ADAM22: variants seen among roughly 807,000 people sequenced by gnomAD.
The protein encoded by ADAM22 is ADAM metallopeptidase domain 22.
ADAM22 carries 65 observed loss-of-function variants against 144.6 expected under a neutral mutation model. That is an observed-to-expected ratio of 0.45 (90% CI 0.37 to 0.55). The LOEUF is 0.55. Among genes scored for constraint, ADAM22 ranks in the 20% least tolerant of loss-of-function variants. The probability of loss-of-function intolerance (pLI) is 0.00; values close to 1 mark genes in which losing one functional copy is unlikely to be tolerated. For missense variants in ADAM22, 974 were observed against 1,184.9 expected (o/e 0.82, Z 2.61); for synonymous variants, 391 against 412.6 (o/e 0.95, Z 0.63).
rs186005902 is a variant in ADAM22 at position 88,165,852 on chromosome 7, G to A, written c.2097G>A (p.Lys699=). The change falls in exon 24 of 32, where the codon AAG becomes AAA. Residue 699 remains lysine (K), a synonymous_variant. Coordinates refer to ENST00000413139, the MANE Select transcript of ADAM22 (RefSeq NM_001324418.2). ...CTCAGGTTTGCAGTAATGAGCTGAA[G>A]TGTGTGTGTAACAGACACTGGATAG... ...SGNGVCSNEL[K]CVCNRHWIGS... 8.5e-5 allele frequency: 137 copies of A among 1,607,986 alleles called. No homozygotes were observed. The African/African-American group carries it at 1.7e-3, about 20-fold the overall frequency.
At chr7:88,090,886 C>A (rs1819664971) in intron 4 of ADAM22, among the ~76,000 whole-genome samples, 1 of 152,008 alleles carries the variant, frequency 6.6e-6, no homozygotes, top group African/African-American at 2.4e-5. Context: ...GAGCTGTTGC[C>A]CATTTTTAAG....
chr7:87,980,299 T>TTTTTTTTTTTTG, intron 3 of ADAM22, among the ~76,000 whole-genome samples: 1 of 149,282 alleles, frequency 6.7e-6, no homozygotes, highest in South Asian at 2.1e-4. Context: ...TTTTTTTTTT[T>TTTTTTTTTTTTG]GCCTGGGATC....
chr7:88,014,611 CA>C lies in ADAM22; in HGVS notation c.323+36200del, dbSNP rs774359646. Among the ~76,000 whole-genome samples, 21 of 152,046 alleles carry C rather than the reference CA, an allele frequency of 1.4e-4. 1 individual carries two copies. Among genetic ancestry groups the C allele is most frequent in the Admixed American group, 1.0e-3 (16 of 15,270 alleles). ...TACAAAAATTAGTCAGGGGTGGTGG[CA>C]GACACCTGTAATCCCAGCTACTCAG... is the stretch of plus-strand genomic sequence containing the variant. On this transcript the variant is annotated intron_variant, in intron 3 of 31. Transcript: ENST00000413139.
At chr7:88,179,877 C>A (rs941002733) in intron 27 of ADAM22, among the ~76,000 whole-genome samples, 2 of 152,006 alleles carry the variant, frequency 1.3e-5, no homozygotes, top group Admixed American at 6.6e-5. Context: ...TTTAAAGTTG[C>A]CAATAAGAGT....
chr7:88,053,587 G>A (rs1207432088), intron 3 of ADAM22, among the ~76,000 whole-genome samples: 11 of 119,130 alleles, frequency 9.2e-5, no homozygotes, highest in African/African-American at 2.1e-4. Flanking sequence ...AAGGAAGGAA[G>A]GAAGGAAAGA....
intron 14 of ADAM22, among the ~76,000 whole-genome samples, chr7:88,137,558 G>T (rs969944866): frequency 1.3e-5 from 2 of 151,936 alleles, no homozygotes; most frequent in African/African-American, 4.8e-5. Context: ...CTATTTATCT[G>T]GAATGCCTTT....
intron 4 of ADAM22, among the ~76,000 whole-genome samples, chr7:88,083,239 CA>C (rs1321244437): frequency 2.0e-5 from 3 of 151,580 alleles, no homozygotes; most frequent in Non-Finnish European, 2.9e-5. Flanking sequence ...ATTGCGAGGA[CA>C]AAAAACCAAA....
chr7:88,130,602 A>AAT, intron 10 of ADAM22, 143 bp downstream of exon 10: 1 of 692,516 alleles, frequency 1.4e-6, no homozygotes, highest in Middle Eastern at 3.1e-4. Context: ...GTGACCTTGC[A>AAT]ATAGACTTTA....
chr7:88,035,322 C>G (rs926837070), intron 3 of ADAM22, among the ~76,000 whole-genome samples: 2 of 152,230 alleles, frequency 1.3e-5, no homozygotes, highest in Non-Finnish European at 2.9e-5. Flanking sequence ...GGCTTGGGCC[C>G]TAGATCCAGT....
chr7:88,145,628 G>T (rs1836169658), intron 17 of ADAM22, 121 bp downstream of exon 17: 2 of 736,518 alleles, frequency 2.7e-6, no homozygotes, highest in South Asian at 1.8e-5. Flanking sequence ...ATGAGTAAGT[G>T]CCAGGTGCTT....
intron 3 of ADAM22, among the ~76,000 whole-genome samples, chr7:87,979,937 T>C (rs1055825229): frequency 6.6e-6 from 1 of 152,220 alleles, no homozygotes; most frequent in East Asian, 1.9e-4. Flanking sequence ...CCCCTGTTGG[T>C]AATCTGTGTT....
At chr7:87,934,738 C>A in intron 1 of ADAM22, 188 bp downstream of exon 1, 1 of 649,396 alleles carries the variant, frequency 1.5e-6, no homozygotes, top group Non-Finnish European at 2.6e-6. Context: ...CGCGCAGATG[C>A]ACTGGAAGCC....
chr7:87,934,339 C>T lies in ADAM22; in HGVS notation c.-127C>T. 6.2e-6 allele frequency: 5 copies of T among 807,728 alleles called. No homozygotes were observed. Among genetic ancestry groups the T allele is most frequent in the Non-Finnish European group, 9.3e-6 (5 of 538,502 alleles). The allele number at this position is 807,728 out of a possible 1,614,324, so 50.0% of individuals were successfully genotyped here. A position where few individuals can be genotyped will look rare whatever the true frequency, so the allele number is the denominator to read the frequency against. ...GGAGGTTGCAGCGCCACGGCCGCCG[C>T]AGCACCGGCCGGGGCTGGGTGGAGG... On this transcript the variant is annotated 5_prime_UTR_variant, in exon 1 of 32. Transcript: ENST00000413139.
At chr7:87,955,938 G>A (rs1203993351) in intron 2 of ADAM22, among the ~76,000 whole-genome samples, 5 of 152,182 alleles carry the variant, frequency 3.3e-5, no homozygotes, top group Non-Finnish European at 5.9e-5. Flanking sequence ...AGCCAGGTGC[G>A]GGATATAATC....
In ADAM22 at chr7:88,196,742, G is replaced by A; in HGVS notation, c.*251G>A. The A allele has an allele frequency of 1.9e-6, 1 of 526,968 alleles. No individual in the cohort carries two copies. Among genetic ancestry groups the A allele is most frequent in the Non-Finnish European group, 3.4e-6 (1 of 292,188 alleles). The allele number at this position is 526,968 out of a possible 1,614,324, so 32.6% of individuals were successfully genotyped here. A position where few individuals can be genotyped will look rare whatever the true frequency, so the allele number is the denominator to read the frequency against. On this transcript the variant is annotated 3_prime_UTR_variant, in exon 32 of 32. Coordinates refer to ENST00000413139, the MANE Select transcript of ADAM22 (RefSeq NM_001324418.2). ...ATAACATGGAACAATAAAGGTACTG[G>A]TATGTTAATGGATAATCCGCATGAC... is the stretch of plus-strand genomic sequence containing the variant.
intron 2 of ADAM22, among the ~76,000 whole-genome samples, chr7:87,957,650 G>A (rs1006449500): frequency 1.2e-4 from 18 of 151,950 alleles, no homozygotes; most frequent in African/African-American, 4.1e-4. Context: ...GTGCCATCTC[G>A]ACTCACTGCA....
chr7:88,085,690 A>G (rs1455009762), intron 4 of ADAM22, among the ~76,000 whole-genome samples: 1 of 152,244 alleles, frequency 6.6e-6, no homozygotes, highest in African/African-American at 2.4e-5. Context: ...ACAATTTTAT[A>G]TTGACCATTC....
intron 3 of ADAM22, among the ~76,000 whole-genome samples, chr7:88,051,136 A>G (rs1806220047): frequency 6.6e-6 from 1 of 152,252 alleles, no homozygotes; most frequent in Admixed American, 6.5e-5. Context: ...TGTGGAAGAC[A>G]GTGTGGCAAT....
chr7:88,032,624 A>C (rs1474459108), intron 3 of ADAM22, among the ~76,000 whole-genome samples: 1 of 152,164 alleles, frequency 6.6e-6, no homozygotes, highest in Non-Finnish European at 1.5e-5. Context: ...TTGAAATGTG[A>C]AAAGGACATG....
Sources: allele counts gnomAD v4.1 joint callset (sites outside exome capture counted in the v4.1 genomes callset), GRCh38; gene constraint gnomAD v4.1.1; transcripts MANE v1.5; gene names NCBI Gene and HGNC (gene_info 2026-07-23, HGNC 2026-07-21).